DNM1: variants seen among roughly 807,000 people sequenced by gnomAD.
DNM1 encodes dynamin-1.
Under a neutral mutation model 104.6 loss-of-function variants are expected in DNM1, and 29 were observed. That is an observed-to-expected ratio of 0.28 (90% CI 0.21 to 0.38). The LOEUF is 0.38. Ranked by LOEUF, DNM1 falls within the 10% of genes least tolerant of loss-of-function variation. The pLI is 1.00. For missense variants in DNM1, 640 were observed against 1,189.4 expected (o/e 0.54, Z 6.79); for synonymous variants, 445 against 475.8 (o/e 0.94, Z 0.84).
intron 10 of DNM1, among the ~76,000 whole-genome samples, chr9:128,232,390 C>T (rs1018716225): frequency 1.3e-5 from 2 of 152,200 alleles, no homozygotes; most frequent in Non-Finnish European, 2.9e-5. Context: ...GCCCCTCCCT[C>T]AGGTCTCCTG....
At chr9:128,211,334 A>G (rs73672442) in intron 1 of DNM1, among the ~76,000 whole-genome samples, 2,470 of 152,150 alleles carry the variant, frequency 0.016, 59 homozygotes, top group African/African-American at 0.05. Context: ...AGGGCTGATT[A>G]CCCAGTCCTG....
chr9:128,216,713 T>G (rs1316753668), intron 1 of DNM1, among the ~76,000 whole-genome samples: 1 of 152,176 alleles, frequency 6.6e-6, no homozygotes, highest in Admixed American at 6.5e-5. Flanking sequence ...TCTAGTCTGT[T>G]GTACCTAAGA....
chr9:128,239,887 C>T (rs373955999), intron 13 of DNM1, 98 bp from the exon 14 acceptor site: 3 of 1,575,838 alleles, frequency 1.9e-6, no homozygotes, highest in South Asian at 2.2e-5. Flanking sequence ...GGCCAGGGAC[C>T]TGTCAGCTGC....
intron 10 of DNM1, among the ~76,000 whole-genome samples, chr9:128,229,600 C>CAAAAAA (rs56072236): frequency 1.6e-4 from 11 of 66,682 alleles, no homozygotes; most frequent in East Asian, 5.0e-4. Flanking sequence ...AAAACCTTAT[C>CAAAAAA]AAAAAAAAAA....
rs751400881 is a variant in DNM1 at position 128,243,934 on chromosome 9, G to C, written c.1671+1589G>C. 6.9e-6 allele frequency among the ~76,000 whole-genome samples: 1 copy of C among 144,130 alleles called. No homozygotes were observed. Among genetic ancestry groups the C allele is most frequent in the South Asian group, 2.1e-4 (1 of 4,722 alleles). 94.6% of individuals were successfully genotyped at this position (144,130 alleles called of 152,430 possible). On this transcript the variant is annotated intron_variant, in intron 15 of 21. Coordinates refer to ENST00000372923, the MANE Select transcript of DNM1 (RefSeq NM_004408.4). The surrounding 1 kb of genome is among the most constrained non-coding windows in gnomAD (Gnocchi z 4.0). ...GTGGGCTGTGGGTGCTGGGAGGCGGGGTGTGTTTGTGTGTGTGTGTGTGTG... is the reference window on the plus strand; with the variant it reads ...GTGGGCTGTGGGTGCTGGGAGGCGGCGTGTGTTTGTGTGTGTGTGTGTGTG...
intron 10 of DNM1, among the ~76,000 whole-genome samples, chr9:128,230,571 C>A (rs1358989210): frequency 6.6e-6 from 1 of 151,648 alleles, no homozygotes. Flanking sequence ...CTGCCTCAGC[C>A]TCCCAAGTAA....
At chr9:128,230,216 C>CA (rs574620137) in intron 10 of DNM1, among the ~76,000 whole-genome samples, 1,739 of 76,184 alleles carry the variant, frequency 0.023, 18 homozygotes, top group African/African-American at 0.035. Flanking sequence ...GACTCCGTCT[C>CA]AAAAAAAAAA....
chr9:128,206,420 G>A (rs1304631923), intron 1 of DNM1, among the ~76,000 whole-genome samples: 3 of 152,158 alleles, frequency 2.0e-5, no homozygotes, highest in Admixed American at 2.0e-4. Flanking sequence ...AAACATTTGT[G>A]GAGGGTGCAC....
chr9:128,243,132 G>A lies in DNM1; in HGVS notation c.1671+787G>A, dbSNP rs957757632. Among the ~76,000 whole-genome samples the A allele has an allele frequency of 2.6e-5, 4 of 152,148 alleles. No individual in the cohort carries two copies. In the East Asian group the frequency reaches 5.8e-4, roughly 22 times the overall value. ...CTCAGGCTGAGGGGCAAGGAGTGTG[G>A]GGGCCCTGCCGAGGTGCCACAAAAA... On this transcript the variant is annotated intron_variant, in intron 15 of 21. Coordinates refer to ENST00000372923, the MANE Select transcript of DNM1 (RefSeq NM_004408.4). The surrounding 1 kb of genome is among the most constrained non-coding windows in gnomAD (Gnocchi z 4.0).
chr9:128,203,818 C>T lies in DNM1; in HGVS notation c.161+187C>T, dbSNP rs1375988242. Among the ~76,000 whole-genome samples, 3 of 148,844 alleles carry T rather than the reference C, an allele frequency of 2.0e-5. No homozygotes were observed. The East Asian group carries it at 6.1e-4, about 30-fold the overall frequency. On this transcript the variant is annotated intron_variant, in intron 1 of 21. Coordinates refer to ENST00000372923, the MANE Select transcript of DNM1 (RefSeq NM_004408.4). The surrounding 1 kb of genome is among the most constrained non-coding windows in gnomAD (Gnocchi z 5.3). The stretch of plus-strand genomic sequence containing the variant: ...ACGAGAGCCCCTCGGGGCAGCAGCG[C>T]CCCCCGCTAGTCTGCAAACGTCGTC...
chr9:128,238,231 T>C (rs1184086434), intron 11 of DNM1, among the ~76,000 whole-genome samples: 3 of 152,104 alleles, frequency 2.0e-5, no homozygotes, highest in Non-Finnish European at 4.4e-5. Context: ...TGTTTGTTTG[T>C]TTGTTTGTTT....
rs1829430448 is a variant in DNM1, at chr9:128,250,248, A to G, written c.2210A>G (p.Glu737Gly). 1 of 1,613,998 alleles carries G rather than the reference A, an allele frequency of 6.2e-7. No homozygotes were observed. The highest frequency in any genetic ancestry group is 1.1e-5 in the South Asian group (1 of 91,056). The change falls in exon 20 of 22, where the codon GAG (glutamate) becomes GGG (glycine). Residue 737 changes from glutamate to glycine, a missense_variant. By Grantham distance (98) the Glu-to-Gly change is moderately conservative. Around this residue, in one of 7 missense-constraint regions of DNM1, gnomAD observed 129 missense variants for 224.6 expected, o/e 0.57. Coordinates refer to ENST00000372923, the MANE Select transcript of DNM1 (RefSeq NM_004408.4). ...CTGCGCATGTACCACGCACTGAAGG[A>G]GGCGCTCAGCATCATCGGCGACATC... ...EMLRMYHALK[E>G]ALSIIGDINT... is the part of the protein sequence containing the mutation.
In DNM1 at chr9:128,203,558, G is replaced by A. The variant is rs756572497; in HGVS notation, c.88G>A (p.Asp30Asn). 1.4e-5 allele frequency: 21 copies of A among 1,549,044 alleles called. No homozygotes were observed. The South Asian group carries it at 2.4e-4, about 17-fold the overall frequency. ...TGCCATCGGCCAGAACGCGGACCTC[G>A]ACCTGCCGCAGATCGCTGTGGTGGG... is the stretch of plus-strand genomic sequence containing the variant. ...FSAIGQNADL[D>N]LPQIAVVGGQ... is the part of the protein sequence containing the mutation. The change falls in exon 1 of 22, where the codon GAC (aspartate) becomes AAC (asparagine). Residue 30 changes from aspartate to asparagine, a missense_variant. Coordinates refer to ENST00000372923, the MANE Select transcript of DNM1 (RefSeq NM_004408.4). This position sits in a 1 kb window ranked among gnomAD's most constrained non-coding sequence, Gnocchi z 5.3.
Position 128,212,824 on chromosome 9 carries a change from A to G in DNM1, c.162-5407A>G, listed in dbSNP as rs150559621. Among the ~76,000 whole-genome samples the G allele has an allele frequency of 5.4e-3, 817 of 152,328 alleles. 8 individuals are homozygous for G. The highest frequency in any genetic ancestry group is 8.1e-3 in the Non-Finnish European group (553 of 68,030). The stretch of plus-strand genomic sequence containing the variant: ...TCACCCATTTTAAAGGCACAATTCA[A>G]TGATCTTTGGTATATTCACAGAGTG... On this transcript the variant is annotated intron_variant, in intron 1 of 21. Coordinates refer to ENST00000372923, the MANE Select transcript of DNM1 (RefSeq NM_004408.4).
Position 128,243,242 on chromosome 9 carries a change from G to A in DNM1, c.1671+897G>A, listed in dbSNP as rs190010351. Among the ~76,000 whole-genome samples the A allele has an allele frequency of 1.9e-3, 287 of 152,296 alleles. No homozygotes were observed. Among genetic ancestry groups the A allele is most frequent in the Non-Finnish European group, 2.7e-3 (182 of 68,018 alleles). On this transcript the variant is annotated intron_variant, in intron 15 of 21. Transcript: ENST00000372923. This position sits in a 1 kb window ranked among gnomAD's most constrained non-coding sequence, Gnocchi z 4.0. ...GTCTCCTTTAAGAATGAGTCTATTT[G>A]GCTTTCACATCTGGATTCCAGAGGT... is the stretch of plus-strand genomic sequence containing the variant.
chr9:128,241,013 A>G (rs904426415), intron 14 of DNM1: 1 of 152,464 alleles, frequency 6.6e-6, no homozygotes, highest in East Asian at 1.9e-4. Flanking sequence ...GACAGTGACA[A>G]GACCCTGTGG....
In DNM1 at chr9:128,222,666, G is replaced by A. The variant is rs548165405; in HGVS notation, c.1128+70G>A. The A allele has an allele frequency of 5.5e-5, 89 of 1,605,866 alleles. No homozygotes were observed. The highest frequency in any genetic ancestry group is 2.0e-4 in the African/African-American group (15 of 74,884). The stretch of plus-strand genomic sequence containing the variant: ...CACCCTCACTCAGGACTCTCTCTGC[G>A]TGTGTTTTTGCTGGCCCCCACCCCA... On this transcript the variant is annotated intron_variant, in intron 8 of 21. Coordinates refer to ENST00000372923, the MANE Select transcript of DNM1 (RefSeq NM_004408.4). This position sits in a 1 kb window ranked among gnomAD's most constrained non-coding sequence, Gnocchi z 7.8.
At chr9:128,209,013 C>T (rs1834134313) in intron 1 of DNM1, among the ~76,000 whole-genome samples, 1 of 152,142 alleles carries the variant, frequency 6.6e-6, no homozygotes, top group Admixed American at 6.5e-5. Flanking sequence ...GGAGCAGAGG[C>T]CAGAGGTGAG....
intron 13 of DNM1, 51 bp from the exon 14 acceptor site, chr9:128,239,934 T>C: frequency 6.2e-7 from 1 of 1,612,070 alleles, no homozygotes; most frequent in Non-Finnish European, 8.5e-7. Context: ...AGTAACCCTC[T>C]CTCCTCTCTC....
Sources: gnomAD v4.1 joint callset for allele counts (sites outside exome capture counted in the v4.1 genomes callset) on GRCh38, gnomAD v4.1.1 for gene constraint, gnomAD v4.1.1 regional missense constraint, Gnocchi (gnomAD v3.1) non-coding constraint, MANE v1.5 for transcripts, NCBI Gene and HGNC (gene_info 2026-07-23, HGNC 2026-07-21) for gene names.